The following PALLD variants were observed in gnomAD, a reference collection of about 807,000 sequenced individuals.
The protein encoded by PALLD is palladin, cytoskeletal associated protein.
In PALLD, 61 loss-of-function variants were observed where a neutral mutation model predicts 123.5. That is an observed-to-expected ratio of 0.49 (90% confidence interval 0.40 to 0.61). The LOEUF is 0.61. PALLD is among the 20% of genes least tolerant of loss of function. PALLD has a pLI of 0.00. For synonymous variants in PALLD, 465 were observed against 496.4 expected, an observed-to-expected ratio of 0.94 and a Z score of 0.84; for missense variants, 1,273 against 1,377.0, an observed-to-expected ratio of 0.92 and a Z score of 1.20.
chr4:168,916,994 T>C (rs920006894), intron 17 of PALLD, among the ~76,000 whole-genome samples: 5 of 150,242 alleles, frequency 3.3e-5, no homozygotes, highest in Non-Finnish European at 3.0e-5. Flanking sequence ...TAAGATAAGT[T>C]AGAGGGACAT....
intron 2 of PALLD, among the ~76,000 whole-genome samples, chr4:168,635,291 T>G (rs1477472537): frequency 6.6e-6 from 1 of 152,186 alleles, no homozygotes; most frequent in Non-Finnish European, 1.5e-5. Context: ...AATGCCAGAA[T>G]GGTGATGCTA....
At chr4:168,769,478 C>T (rs1022701073) in intron 10 of PALLD, among the ~76,000 whole-genome samples, 4 of 152,036 alleles carry the variant, frequency 2.6e-5, no homozygotes, top group African/African-American at 9.7e-5. Flanking sequence ...CAGATGGGGC[C>T]GGGCTGGTCT....
At position 168,681,377 on chromosome 4, in the gene PALLD, C is replaced by A; in HGVS notation, c.1133C>A (p.Ser378Ter). Residue 378 changes from serine (S) to a stop codon, truncating the protein, a stop_gained, in exon 4 of 22, where the codon TCA becomes TAA. Transcript: ENST00000505667. LOFTEE classifies it high-confidence loss of function. ...DSDSESLAFK[S>*]RAGAMPQAQK... ...GACAGTGAAAGTTTAGCTTTCAAAT[C>A]AAGAGCTGGAGCTATGCCACAGTAA... 2 of 1,607,370 alleles carry A rather than the reference C, an allele frequency of 1.2e-6. No homozygotes were observed. The highest frequency in any genetic ancestry group is 1.1e-5 in the South Asian group (1 of 90,956).
intron 10 of PALLD, 54 bp downstream of exon 10, chr4:168,711,977 T>C: frequency 4.0e-6 from 6 of 1,506,326 alleles, no homozygotes; most frequent in Non-Finnish European, 5.5e-6. Flanking sequence ...TTACATTTCC[T>C]GTCTGGTGAG....
At chr4:168,598,548 G>A (rs73863991) in intron 2 of PALLD, 5,634 of 352,462 alleles carry the variant, frequency 0.016, 296 homozygotes, top group African/African-American at 0.11. Context: ...GGGGCAGACA[G>A]AGGTTAGACT....
intron 10 of PALLD, among the ~76,000 whole-genome samples, chr4:168,745,177 G>A (rs1363455873): frequency 6.6e-6 from 1 of 152,182 alleles, no homozygotes; most frequent in Non-Finnish European, 1.5e-5. Flanking sequence ...GAAAATTCAT[G>A]TAAGGCACAT....
At chr4:168,776,452 G>A (rs1191906516) in intron 10 of PALLD, among the ~76,000 whole-genome samples, 2 of 152,132 alleles carry the variant, frequency 1.3e-5, no homozygotes, top group Non-Finnish European at 2.9e-5. Flanking sequence ...TGCAAATACA[G>A]ACAGCTTTGC....
intron 8 of PALLD, among the ~76,000 whole-genome samples, chr4:168,703,463 A>G (rs1216337880): frequency 8.1e-6 from 1 of 123,496 alleles, no homozygotes; most frequent in Non-Finnish European, 1.6e-5. Flanking sequence ...TTCCAGTTCT[A>G]GATCCCTGAG....
At chr4:168,529,740 A>T (rs1211294711) in intron 2 of PALLD, among the ~76,000 whole-genome samples, 2 of 152,258 alleles carry the variant, frequency 1.3e-5, no homozygotes, top group Admixed American at 6.5e-5. Context: ...TATAATTTTA[A>T]ATCAAATAAT....
At chr4:168,535,051 C>T (rs1764969251) in intron 2 of PALLD, among the ~76,000 whole-genome samples, 1 of 152,120 alleles carries the variant, frequency 6.6e-6, no homozygotes, top group African/African-American at 2.4e-5. Flanking sequence ...ATTTACATAG[C>T]AGTCATCATA....
At chr4:168,823,269 C>T (rs190099168) in intron 10 of PALLD, among the ~76,000 whole-genome samples, 4 of 152,278 alleles carry the variant, frequency 2.6e-5, no homozygotes, top group African/African-American at 9.6e-5. Context: ...AGAGACTTCA[C>T]GGAACCATAG....
intron 2 of PALLD, among the ~76,000 whole-genome samples, chr4:168,569,562 T>C (rs1353113179): frequency 6.6e-6 from 1 of 152,156 alleles, no homozygotes; most frequent in East Asian, 1.9e-4. Flanking sequence ...AGTACACTCA[T>C]TATGGAAATT....
chr4:168,651,224 A>T (rs151254526), intron 2 of PALLD, among the ~76,000 whole-genome samples: 13 of 152,082 alleles, frequency 8.5e-5, no homozygotes, highest in African/African-American at 3.1e-4. Flanking sequence ...AGGCTGTTCC[A>T]CCTCCTCAGT....
At chr4:168,918,120 AC>A (rs1760598621) in intron 17 of PALLD, among the ~76,000 whole-genome samples, 1 of 151,748 alleles carries the variant, frequency 6.6e-6, no homozygotes, top group African/African-American at 2.4e-5. Context: ...AATCACTTGA[AC>A]CTGGGAGGCA....
At chr4:168,849,699 C>T (rs1226493286) in intron 10 of PALLD, among the ~76,000 whole-genome samples, 1 of 151,986 alleles carries the variant, frequency 6.6e-6, no homozygotes, top group African/African-American at 2.4e-5. Context: ...TTTATAACCT[C>T]ACTTAAACTT....
chr4:168,504,771 A>G (rs1029809160), intron 1 of PALLD: 1 of 152,254 alleles, frequency 6.6e-6, no homozygotes, highest in African/African-American at 2.4e-5. Context: ...GGACAGGACA[A>G]TTTAAAGATG....
chr4:168,787,984 G>T (rs1368049462), intron 10 of PALLD, among the ~76,000 whole-genome samples: 2 of 152,230 alleles, frequency 1.3e-5, no homozygotes, highest in African/African-American at 4.8e-5. Flanking sequence ...TAACTTCGCT[G>T]TAAACATGGT....
intron 10 of PALLD, among the ~76,000 whole-genome samples, chr4:168,858,207 C>CTA (rs1285232777): frequency 6.6e-6 from 1 of 152,132 alleles, no homozygotes; most frequent in African/African-American, 2.4e-5. Flanking sequence ...GGAAAATGGG[C>CTA]TATGAAGCAT....
intron 10 of PALLD, among the ~76,000 whole-genome samples, chr4:168,814,960 G>A (rs1433110268): frequency 1.3e-5 from 2 of 151,982 alleles, no homozygotes; most frequent in African/African-American, 2.4e-5. Context: ...TAGTAGAGAC[G>A]GGGTTTCACC....
Sources: allele counts gnomAD v4.1 joint callset (sites outside exome capture counted in the v4.1 genomes callset), GRCh38; gene constraint gnomAD v4.1.1; transcripts MANE v1.5; gene names NCBI Gene and HGNC (gene_info 2026-07-23, HGNC 2026-07-21).